Variants in PRDM16 observed in about 807,000 individuals in gnomAD.
The protein encoded by PRDM16 is PR/SET domain 16.
In PRDM16, 23 loss-of-function variants were observed where a neutral mutation model predicts 110.6. The ratio of observed to expected loss-of-function variants is 0.21; its 90% CI spans 0.15 to 0.29. The LOEUF is 0.29. PRDM16 is among the 10% of genes least tolerant of loss of function. The pLI, the probability that PRDM16 is intolerant of heterozygous loss-of-function variation, is 1.00. For synonymous variants in PRDM16, 799 were observed against 781.8 expected, an observed-to-expected ratio of 1.02 and a Z score of -0.37; for missense variants, 1,615 against 1,794.3, an observed-to-expected ratio of 0.90 and a Z score of 1.81.
At position 3,246,209 on chromosome 1, in the gene PRDM16, C is replaced by T. The variant is rs1639787037; in HGVS notation, c.438+2072C>T. On this transcript the variant is annotated intron_variant, in intron 3 of 16. Transcript: ENST00000270722. The surrounding 1 kb of genome is among the most constrained non-coding windows in gnomAD (Gnocchi z 5.2). Reference sequence around the variant, plus strand: ...TGTCTTATATGTGTGGCCATTAGGTCTCGCTCAGTGTGGCCCAAGGTCATT... The same window carrying T: ...TGTCTTATATGTGTGGCCATTAGGTTTCGCTCAGTGTGGCCCAAGGTCATT... Among the ~76,000 whole-genome samples, 1 of 152,292 alleles carries T rather than the reference C, an allele frequency of 6.6e-6. No individual in the cohort carries two copies. The highest frequency in any genetic ancestry group is 2.1e-4 in the South Asian group (1 of 4,822).
intron 1 of PRDM16, among the ~76,000 whole-genome samples, chr1:3,178,480 C>T (rs1288163254): frequency 6.6e-6 from 1 of 152,258 alleles, no homozygotes. Flanking sequence ...AGCTGCTGTT[C>T]TCCCGGAGGC....
At chr1:3,266,090 C>T (rs981944740) in intron 3 of PRDM16, among the ~76,000 whole-genome samples, 1 of 152,220 alleles carries the variant, frequency 6.6e-6, no homozygotes, top group South Asian at 2.1e-4. Flanking sequence ...ACCCTGTGAG[C>T]TGCAGTCATC....
At chr1:3,123,608 A>G (rs746810324) in intron 1 of PRDM16, among the ~76,000 whole-genome samples, 27 of 152,218 alleles carry the variant, frequency 1.8e-4, no homozygotes, top group Non-Finnish European at 3.1e-4. Context: ...TGCTGCTGGA[A>G]CTGGGAGGGG....
At chr1:3,149,004 C>T (rs61759161) in intron 1 of PRDM16, among the ~76,000 whole-genome samples, 35,125 of 152,068 alleles carry the variant, frequency 0.23, 4,212 homozygotes, top group Admixed American at 0.3. Flanking sequence ...AGGGGCCCTC[C>T]GGCTTTGGCC....
chr1:3,133,894 G>A (rs1408019374), intron 1 of PRDM16, among the ~76,000 whole-genome samples: 1 of 152,242 alleles, frequency 6.6e-6, no homozygotes, highest in Non-Finnish European at 1.5e-5. Flanking sequence ...CGGCCTCCAG[G>A]AAGTTGGACC....
intron 1 of PRDM16, among the ~76,000 whole-genome samples, chr1:3,087,937 G>A (rs959168427): frequency 5.9e-5 from 9 of 151,806 alleles, no homozygotes; most frequent in Admixed American, 3.9e-4. Context: ...ATTTCTCAGT[G>A]AGCTGTTTCC....
intron 3 of PRDM16, among the ~76,000 whole-genome samples, chr1:3,260,931 C>T (rs1640151507): frequency 1.3e-5 from 2 of 150,534 alleles, no homozygotes; most frequent in Non-Finnish European, 3.0e-5. Flanking sequence ...ACCCCAGAAG[C>T]TTCAGTTCTG....
At chr1:3,264,264 G>A (rs1256580719) in intron 3 of PRDM16, among the ~76,000 whole-genome samples, 1 of 152,222 alleles carries the variant, frequency 6.6e-6, no homozygotes, top group Admixed American at 6.5e-5. Flanking sequence ...CTGAGCCGGA[G>A]CAGGATATGG....
At chr1:3,127,320 AT>A (rs906350076) in intron 1 of PRDM16, among the ~76,000 whole-genome samples, 1 of 152,128 alleles carries the variant, frequency 6.6e-6, no homozygotes, top group Non-Finnish European at 1.5e-5. Context: ...AAGCTGATAT[AT>A]GTTGGTTTCT....
chr1:3,255,003 C>A lies in PRDM16; in HGVS notation c.438+10866C>A, dbSNP rs558906582. Among the ~76,000 whole-genome samples, 1 of 152,280 alleles carries A rather than the reference C, an allele frequency of 6.6e-6. No individual in the cohort carries two copies. The highest frequency in any genetic ancestry group is 1.5e-5 in the Non-Finnish European group (1 of 68,030). On this transcript the variant is annotated intron_variant, in intron 3 of 16. Transcript: ENST00000270722. The surrounding 1 kb of genome is among the most constrained non-coding windows in gnomAD (Gnocchi z 4.7). ...AACAGAGCCCTCAGAAATAACGCCG[C>A]ATGTCTACAACTATCTGATCTTTGA...
chr1:3,242,516 C>T (rs368100999), intron 2 of PRDM16, among the ~76,000 whole-genome samples: 1 of 152,222 alleles, frequency 6.6e-6, no homozygotes, highest in African/African-American at 2.4e-5. Context: ...CTGAGCAGCT[C>T]CTCGAGCTCT....
chr1:3,189,015 A>T (rs1327862304), intron 2 of PRDM16, among the ~76,000 whole-genome samples: 1 of 152,142 alleles, frequency 6.6e-6, no homozygotes, highest in African/African-American at 2.4e-5. Flanking sequence ...GCTGATTGCT[A>T]TTTCCCCCTG....
At chr1:3,399,286 G>T (rs1259895463) in intron 5 of PRDM16, among the ~76,000 whole-genome samples, 11 of 152,218 alleles carry the variant, frequency 7.2e-5, no homozygotes, top group South Asian at 2.1e-4. Flanking sequence ...CAGCCAGATC[G>T]TGAGATCAGA....
intron 5 of PRDM16, among the ~76,000 whole-genome samples, chr1:3,399,920 C>T (rs1271743258): frequency 6.6e-6 from 1 of 152,154 alleles, no homozygotes; most frequent in African/African-American, 2.4e-5. Context: ...CGTTGGAATC[C>T]ACCCACAGGC....
chr1:3,297,150 G>C (rs567286972), intron 3 of PRDM16, among the ~76,000 whole-genome samples: 18 of 152,254 alleles, frequency 1.2e-4, no homozygotes, highest in Non-Finnish European at 2.6e-4. Flanking sequence ...CTTGTCCTCT[G>C]TCCGCTTTCT....
chr1:3,124,467 A>T (rs1330298454), intron 1 of PRDM16, among the ~76,000 whole-genome samples: 1 of 152,194 alleles, frequency 6.6e-6, no homozygotes. Flanking sequence ...GGAACTGATC[A>T]TGGACAGGAC....
chr1:3,070,139 A>G (rs1641713245), intron 1 of PRDM16, among the ~76,000 whole-genome samples: 1 of 151,336 alleles, frequency 6.6e-6, no homozygotes, highest in Non-Finnish European at 1.5e-5. Flanking sequence ...ACCCCTCTGT[A>G]CCCGCTTGCC....
chr1:3,250,043 C>T (rs774672596), intron 3 of PRDM16, among the ~76,000 whole-genome samples: 6 of 152,190 alleles, frequency 3.9e-5, no homozygotes, highest in African/African-American at 9.7e-5. Context: ...AGCGCTGGGC[C>T]GTGGCCCTGG....
At chr1:3,225,579 C>CGCGCGCGT (rs1553149429) in intron 2 of PRDM16, among the ~76,000 whole-genome samples, 1 of 146,756 alleles carries the variant, frequency 6.8e-6, no homozygotes, top group African/African-American at 2.7e-5. Context: ...TGTGTGCGCG[C>CGCGCGCGT]GCGCAGAAGG....
Sources: allele counts gnomAD v4.1 joint callset (sites outside exome capture counted in the v4.1 genomes callset), GRCh38; gene constraint gnomAD v4.1.1; non-coding constraint Gnocchi (gnomAD v3.1); transcripts MANE v1.5; gene names NCBI Gene and HGNC (gene_info 2026-07-23, HGNC 2026-07-21).